Variants in RBFOX1 observed in about 807,000 individuals in gnomAD.
RBFOX1 encodes the protein RNA binding fox-1 homolog 1, also known as RNA binding protein fox-1 homolog 1.
A neutral mutation model predicts 57.7 loss-of-function variants in RBFOX1; 8 were observed. That is an observed-to-expected ratio of 0.14 (90% confidence interval 0.08 to 0.25). RBFOX1 has a LOEUF of 0.25. Ranked by LOEUF, RBFOX1 falls within the 10% of genes least tolerant of loss-of-function variation. The probability of loss-of-function intolerance (pLI) is 1.00; values close to 1 mark genes in which losing one functional copy is unlikely to be tolerated. For missense variants in RBFOX1, 611 were observed against 548.5 expected (o/e 1.11, Z -1.14); for synonymous variants, 326 against 222.4 (o/e 1.47, Z -4.15).
intron 14 of RBFOX1, among the ~76,000 whole-genome samples, chr16:7,679,177 C>A (rs1223978307): frequency 6.6e-6 from 1 of 152,118 alleles, no homozygotes; most frequent in East Asian, 1.9e-4. Context: ...GTGCTACTTC[C>A]TTTTATCTGT....
At chr16:7,239,930 C>A (rs375231164) in intron 4 of RBFOX1, among the ~76,000 whole-genome samples, 5 of 152,140 alleles carry the variant, frequency 3.3e-5, no homozygotes, top group Non-Finnish European at 4.4e-5. Context: ...CAATTGTAAT[C>A]AAATTCCAAA....
intron 2 of RBFOX1, among the ~76,000 whole-genome samples, chr16:6,560,779 A>G (rs1257347113): frequency 1.3e-5 from 2 of 152,228 alleles, no homozygotes; most frequent in Non-Finnish European, 2.9e-5. Flanking sequence ...TCTCTCTCAT[A>G]GACTGTAGGC....
intron 4 of RBFOX1, among the ~76,000 whole-genome samples, chr16:7,509,533 CA>C (rs1206775157): frequency 6.6e-6 from 1 of 151,920 alleles, no homozygotes; most frequent in African/African-American, 2.4e-5. Context: ...TAAACAGAAG[CA>C]AAAACTAGTG....
intron 1 of RBFOX1, among the ~76,000 whole-genome samples, chr16:5,255,354 C>CTCCATCCA (rs750177791): frequency 0.018 from 1,589 of 86,296 alleles, 21 homozygotes; most frequent in Admixed American, 0.035. Flanking sequence ...CCATCCATCC[C>CTCCATCCA]TCCATCCATC....
chr16:6,964,432 T>C (rs186970128), intron 3 of RBFOX1, among the ~76,000 whole-genome samples: 2 of 152,272 alleles, frequency 1.3e-5, no homozygotes, highest in Admixed American at 6.5e-5. Context: ...CTGTGAACTT[T>C]AATGGAAACT....
At chr16:7,240,822 A>T (rs370944317) in intron 4 of RBFOX1, among the ~76,000 whole-genome samples, 1 of 152,166 alleles carries the variant, frequency 6.6e-6, no homozygotes, top group Non-Finnish European at 1.5e-5. Flanking sequence ...CACCTGCCTC[A>T]GCCTTCCAAA....
At chr16:7,110,294 C>T (rs1260169668) in intron 4 of RBFOX1, among the ~76,000 whole-genome samples, 3 of 151,948 alleles carry the variant, frequency 2.0e-5, no homozygotes, top group Non-Finnish European at 4.4e-5. Context: ...CTAGGAGTTT[C>T]AGGCTGTGGT....
intron 2 of RBFOX1, among the ~76,000 whole-genome samples, chr16:6,381,062 T>C (rs1453420543): frequency 6.6e-6 from 1 of 152,132 alleles, no homozygotes; most frequent in Non-Finnish European, 1.5e-5. Flanking sequence ...GAGATGCCTG[T>C]CAGTTTGGGG....
At chr16:6,210,354 AAAACAC>A (rs2097286685) in intron 1 of RBFOX1, among the ~76,000 whole-genome samples, 4 of 92,658 alleles carry the variant, frequency 4.3e-5, no homozygotes, top group African/African-American at 6.5e-5. Flanking sequence ...ACAAAAAAAA[AAAACAC>A]CAAAAAAAAA....
chr16:7,477,226 A>G (rs1172485967), intron 4 of RBFOX1, among the ~76,000 whole-genome samples: 2 of 152,240 alleles, frequency 1.3e-5, no homozygotes, highest in East Asian at 1.9e-4. Context: ...TGTTCAGGGT[A>G]GAAATAAGAC....
intron 3 of RBFOX1, among the ~76,000 whole-genome samples, chr16:6,743,508 A>C (rs2072806264): frequency 6.6e-6 from 1 of 152,166 alleles, no homozygotes; most frequent in South Asian, 2.1e-4. Context: ...TTGGGAGGCC[A>C]AGGCAGGAGG....
At chr16:7,542,313 A>C (rs2083165554) in intron 5 of RBFOX1, among the ~76,000 whole-genome samples, 1 of 152,130 alleles carries the variant, frequency 6.6e-6, no homozygotes, top group South Asian at 2.1e-4. Context: ...ACAGACTTGG[A>C]GCATGTAACT....
At chr16:7,046,781 T>C (rs181806241) in intron 3 of RBFOX1, among the ~76,000 whole-genome samples, 1 of 151,924 alleles carries the variant, frequency 6.6e-6, no homozygotes, top group African/African-American at 2.4e-5. Flanking sequence ...AATTTTTGTA[T>C]TTTTAATAGA....
chr16:6,447,814 A>G lies in RBFOX1; in HGVS notation c.-64+130757A>G, dbSNP rs188617914. ...CTTTTATTCATCATTCCCAAAGAAG[A>G]GAACATCCGTTCTTATTAATTTAAG... On this transcript the variant is annotated intron_variant, in intron 2 of 15. Transcript: ENST00000550418. Among the ~76,000 whole-genome samples the G allele has an allele frequency of 2.4e-4, 36 of 152,304 alleles. No individual in the cohort carries two copies. In the East Asian group the frequency reaches 6.8e-3, roughly 29 times the overall value.
intron 2 of RBFOX1, among the ~76,000 whole-genome samples, chr16:6,627,696 A>C (rs891664577): frequency 6.6e-6 from 1 of 152,182 alleles, no homozygotes; most frequent in Non-Finnish European, 1.5e-5. Flanking sequence ...CTGTGAAAAC[A>C]AAGACGCAAA....
At chr16:7,507,684 C>T (rs759895045) in intron 4 of RBFOX1, among the ~76,000 whole-genome samples, 1 of 150,902 alleles carries the variant, frequency 6.6e-6, no homozygotes, top group Non-Finnish European at 1.5e-5. Context: ...CTGCCTCAAC[C>T]TCCCAAGTAG....
Position 6,144,906 on chromosome 16 carries a change from C to T in RBFOX1, c.-127+124914C>T, listed in dbSNP as rs1308948311. On this transcript the variant is annotated intron_variant, in intron 1 of 15. Coordinates refer to ENST00000550418, the MANE Select transcript of RBFOX1 (RefSeq NM_018723.4). ...GTTTGTCCACCTGTGGTCTGTTGTA[C>T]CTGTGGAGTCTATTTGTATTCTGGA... is the stretch of plus-strand genomic sequence containing the variant. Among the ~76,000 whole-genome samples the T allele has an allele frequency of 3.3e-5, 5 of 152,146 alleles. No homozygotes were observed. The East Asian group carries it at 9.6e-4, about 29-fold the overall frequency.
chr16:7,142,425 C>T lies in RBFOX1; in HGVS notation c.27+90327C>T, dbSNP rs180782887. ...GTTGATGTCATTTCGTGTCACTCTT[C>T]CATCAGCCCCTGTACCGCAGGCGAC... On this transcript the variant is annotated intron_variant, in intron 4 of 15. Coordinates refer to ENST00000550418, the MANE Select transcript of RBFOX1 (RefSeq NM_018723.4). 2.0e-5 allele frequency among the ~76,000 whole-genome samples: 3 copies of T among 152,274 alleles called. No homozygotes were observed. In the South Asian group the frequency reaches 6.2e-4, roughly 32 times the overall value.
intron 3 of RBFOX1, among the ~76,000 whole-genome samples, chr16:5,642,240 A>G (rs1055467120): frequency 6.6e-6 from 1 of 152,192 alleles, no homozygotes; most frequent in African/African-American, 2.4e-5. Flanking sequence ...GAGATAAGAG[A>G]AGGTTTATTT....
Sources: gnomAD v4.1 joint callset for allele counts (sites outside exome capture counted in the v4.1 genomes callset) on GRCh38, gnomAD v4.1.1 for gene constraint, MANE v1.5 for transcripts, NCBI Gene and HGNC (gene_info 2026-07-23, HGNC 2026-07-21) for gene names.